The following SUCLG2 variants were observed in gnomAD, a reference collection of about 807,000 sequenced individuals.
The protein encoded by SUCLG2 is succinate--CoA ligase [GDP-forming] subunit beta, mitochondrial.
SUCLG2 carries 42 observed loss-of-function variants against 47.9 expected under a neutral mutation model. The observed-to-expected ratio is 0.88, with a 90% CI of 0.69 to 1.14. The LOEUF (loss-of-function observed/expected upper bound fraction) is 1.14. Among genes scored for constraint, SUCLG2 ranks in the 50% most tolerant of loss-of-function variants. The pLI is 0.00. For missense variants in SUCLG2, 571 were observed against 525.9 expected, an observed-to-expected ratio of 1.09 and a Z score of -0.84; for synonymous variants, 195 against 197.3, an observed-to-expected ratio of 0.99 and a Z score of 0.10.
chr3:67,566,706 C>T (rs554185699), intron 2 of SUCLG2, among the ~76,000 whole-genome samples: 16 of 151,980 alleles, frequency 1.1e-4, no homozygotes, highest in Admixed American at 5.2e-4. Context: ...TCATGAAAAA[C>T]GCATATACCA....
At chr3:67,559,356 T>C (rs1203554964) in intron 2 of SUCLG2, among the ~76,000 whole-genome samples, 1 of 152,202 alleles carries the variant, frequency 6.6e-6, no homozygotes, top group East Asian at 1.9e-4. Flanking sequence ...CTGTTCCGCA[T>C]GGCTGGGGAG....
At chr3:67,379,676 C>T (rs1354554117) in intron 10 of SUCLG2, among the ~76,000 whole-genome samples, 2 of 152,208 alleles carry the variant, frequency 1.3e-5, no homozygotes, top group Admixed American at 1.3e-4. Context: ...ATGTGCTGGG[C>T]CACTGCCCTT....
intron 2 of SUCLG2, among the ~76,000 whole-genome samples, chr3:67,567,564 C>G (rs1285247307): frequency 6.6e-6 from 1 of 152,206 alleles, no homozygotes; most frequent in Non-Finnish European, 1.5e-5. Context: ...TAGGCATAAG[C>G]TACCTTGCCC....
chr3:67,581,229 G>C (rs1707870559), intron 2 of SUCLG2, among the ~76,000 whole-genome samples: 1 of 152,138 alleles, frequency 6.6e-6, no homozygotes, highest in East Asian at 1.9e-4. Context: ...TTTTTCTCAA[G>C]AGTAAAGTCC....
At chr3:67,387,843 G>GT (rs1426331753) in intron 10 of SUCLG2, among the ~76,000 whole-genome samples, 1 of 151,930 alleles carries the variant, frequency 6.6e-6, no homozygotes, top group East Asian at 1.9e-4. Flanking sequence ...TATGCCTGTG[G>GT]TTTTTTAATT....
intron 2 of SUCLG2, among the ~76,000 whole-genome samples, chr3:67,600,912 ACTT>A (rs1485262210): frequency 2.0e-5 from 3 of 152,318 alleles, no homozygotes; most frequent in South Asian, 2.1e-4. Context: ...ATAGGAAATA[ACTT>A]CTTCTTGCAC....
At chr3:67,538,828 T>A (rs1706619288) in intron 2 of SUCLG2, among the ~76,000 whole-genome samples, 1 of 152,188 alleles carries the variant, frequency 6.6e-6, no homozygotes, top group Admixed American at 6.5e-5. Flanking sequence ...CAATTGTGAA[T>A]GTGAGTTCAC....
chr3:67,603,608 A>G (rs1476747999), intron 2 of SUCLG2, among the ~76,000 whole-genome samples: 2 of 152,192 alleles, frequency 1.3e-5, no homozygotes, highest in African/African-American at 2.4e-5. Flanking sequence ...TTCTTTCCCA[A>G]CAAAAAATAA....
chr3:67,481,167 T>G (rs908726279), intron 9 of SUCLG2, among the ~76,000 whole-genome samples: 1 of 152,232 alleles, frequency 6.6e-6, no homozygotes, highest in Non-Finnish European at 1.5e-5. Context: ...TACTAAAAAA[T>G]TGATATTCCT....
intron 2 of SUCLG2, among the ~76,000 whole-genome samples, chr3:67,583,799 C>T (rs1707940854): frequency 6.6e-6 from 1 of 152,214 alleles, no homozygotes; most frequent in African/African-American, 2.4e-5. Context: ...CCTTCTCAGG[C>T]TTCAAATGTC....
chr3:67,581,185 G>A (rs1471255239), intron 2 of SUCLG2, among the ~76,000 whole-genome samples: 2 of 152,190 alleles, frequency 1.3e-5, no homozygotes, highest in Non-Finnish European at 2.9e-5. Flanking sequence ...ACCAACGCTG[G>A]TTAGCACTTT....
chr3:67,582,115 T>TA (rs894337317), intron 2 of SUCLG2, among the ~76,000 whole-genome samples: 15 of 152,240 alleles, frequency 9.9e-5, no homozygotes, highest in South Asian at 2.1e-4. Context: ...CATATTTCTT[T>TA]AAAAAAAACT....
intron 4 of SUCLG2, among the ~76,000 whole-genome samples, chr3:67,527,089 C>T (rs1449418643): frequency 6.6e-6 from 1 of 152,042 alleles, no homozygotes. Flanking sequence ...TACTATGTAC[C>T]CACAAAAATT....
At position 67,508,306 on chromosome 3, in the gene SUCLG2, A is replaced by G. The variant is rs1021995687; in HGVS notation, c.757+501T>C. ...CAGTTCCATAAAGGCATATGCCTTC[A>G]TTACACCCAAGTGTGTGGCTCCCAT... On this transcript the variant is annotated intron_variant, in intron 7 of 10. Transcript: ENST00000307227. Among the ~76,000 whole-genome samples, 4 of 152,236 alleles carry G rather than the reference A, an allele frequency of 2.6e-5. No homozygotes were observed. In the East Asian group the frequency reaches 7.7e-4, roughly 29 times the overall value.
chr3:67,606,527 C>A (rs1296385471), intron 2 of SUCLG2, among the ~76,000 whole-genome samples: 2 of 152,086 alleles, frequency 1.3e-5, no homozygotes, highest in Non-Finnish European at 2.9e-5. Flanking sequence ...CTTCCCAATC[C>A]CCAAACCACA....
At chr3:67,542,303 C>A (rs1706740458) in intron 2 of SUCLG2, among the ~76,000 whole-genome samples, 1 of 152,104 alleles carries the variant, frequency 6.6e-6, no homozygotes, top group African/African-American at 2.4e-5. Flanking sequence ...TACCACCAGG[C>A]CTGCCTTACA....
chr3:67,651,087 G>GT (rs1163735273), intron 1 of SUCLG2, among the ~76,000 whole-genome samples: 1 of 152,148 alleles, frequency 6.6e-6, no homozygotes, highest in African/African-American at 2.4e-5. Flanking sequence ...TCTAACCATG[G>GT]TTAGACCCTT....
chr3:67,564,781 T>C (rs1210350980), intron 2 of SUCLG2, among the ~76,000 whole-genome samples: 3 of 152,254 alleles, frequency 2.0e-5, no homozygotes, highest in Non-Finnish European at 4.4e-5. Flanking sequence ...TCTTCCACTA[T>C]GGCCCAAGGA....
At chr3:67,613,693 C>A (rs114948795) in intron 1 of SUCLG2, among the ~76,000 whole-genome samples, 2,679 of 152,278 alleles carry the variant, frequency 0.018, 71 homozygotes, top group African/African-American at 0.06. Flanking sequence ...TATTGCACAA[C>A]CTTTTTGCCC....
Sources: gnomAD v4.1 joint callset for allele counts (sites outside exome capture counted in the v4.1 genomes callset) on GRCh38, gnomAD v4.1.1 for gene constraint, MANE v1.5 for transcripts, NCBI Gene and HGNC (gene_info 2026-07-23, HGNC 2026-07-21) for gene names.